PPARGC1A: variants seen among roughly 807,000 people sequenced by gnomAD.
PPARGC1A encodes peroxisome proliferator-activated receptor gamma coactivator 1-alpha.
PPARGC1A carries 25 observed loss-of-function variants against 88.7 expected under a neutral mutation model. The observed-to-expected ratio is 0.28, with a 90% CI of 0.21 to 0.39. The LOEUF is 0.39. Ranked by LOEUF, PPARGC1A falls within the 10% of genes least tolerant of loss-of-function variation. The probability of loss-of-function intolerance (pLI) is 1.00; values close to 1 mark genes in which losing one functional copy is unlikely to be tolerated. For missense variants in PPARGC1A, 880 were observed against 968.7 expected (o/e 0.91, Z 1.22); for synonymous variants, 363 against 355.6 (o/e 1.02, Z -0.24).
chr4:24,096,934 T>C, the PPARGC1A span, among the ~76,000 whole-genome samples: 1 of 152,076 alleles, frequency 6.6e-6, no homozygotes, highest in East Asian at 1.9e-4. Context: ...GCTTATAGAA[T>C]AAAAATGGGT....
the PPARGC1A span, among the ~76,000 whole-genome samples, chr4:24,186,744 C>A: frequency 6.6e-6 from 1 of 151,984 alleles, no homozygotes; most frequent in Non-Finnish European, 1.5e-5. Flanking sequence ...CTCTTTCAAC[C>A]CATTCAGTGC....
intron 5 of PPARGC1A, among the ~76,000 whole-genome samples, chr4:23,826,291 T>C (rs963471098): frequency 1.3e-5 from 2 of 152,120 alleles, no homozygotes; most frequent in East Asian, 1.9e-4. Flanking sequence ...GAGTATTGAT[T>C]TGGTTTATTG....
At chr4:23,903,002 T>A (rs1339709090), upstream of PPARGC1A, among the ~76,000 whole-genome samples, 3 of 152,244 alleles carry the variant, frequency 2.0e-5, no homozygotes, top group African/African-American at 7.2e-5. Flanking sequence ...TCTTAATTCA[T>A]GGTAATATAT....
At chr4:23,858,973 T>G (rs927439209) in intron 2 of PPARGC1A, among the ~76,000 whole-genome samples, 1 of 149,136 alleles carries the variant, frequency 6.7e-6, no homozygotes, top group African/African-American at 2.4e-5. Flanking sequence ...TAGAATAAAT[T>G]AAATATAAAC....
At chr4:24,373,479 G>A in the PPARGC1A span, among the ~76,000 whole-genome samples, 26 of 152,260 alleles carry the variant, frequency 1.7e-4, no homozygotes, top group African/African-American at 4.8e-4. Context: ...TGTTAATATC[G>A]TTTGTCTCTA....
chr4:24,022,480 C>T, the PPARGC1A span, among the ~76,000 whole-genome samples: 2 of 152,154 alleles, frequency 1.3e-5, no homozygotes, highest in East Asian at 3.9e-4. Flanking sequence ...TGCCACGGGG[C>T]TGGGGTTTTC....
the PPARGC1A span, among the ~76,000 whole-genome samples, chr4:24,448,909 T>C: frequency 6.6e-6 from 1 of 152,206 alleles, no homozygotes; most frequent in Non-Finnish European, 1.5e-5. Flanking sequence ...ATCTGCTTCC[T>C]CATAGTTGTT....
the PPARGC1A span, among the ~76,000 whole-genome samples, chr4:24,217,611 T>G: frequency 6.6e-6 from 1 of 152,102 alleles, no homozygotes; most frequent in African/African-American, 2.4e-5. Context: ...AAGGCCAGCC[T>G]GGTCAACATG....
the PPARGC1A span, among the ~76,000 whole-genome samples, chr4:23,960,630 G>A: frequency 3.9e-5 from 6 of 152,186 alleles, no homozygotes; most frequent in African/African-American, 7.2e-5. Flanking sequence ...GGAAAATGGC[G>A]AAATTATCAT....
At chr4:24,217,631 C>T in the PPARGC1A span, among the ~76,000 whole-genome samples, 1 of 152,050 alleles carries the variant, frequency 6.6e-6, no homozygotes, top group African/African-American at 2.4e-5. Flanking sequence ...GGTGAAACCT[C>T]ATCTCTCCTA....
At position 23,829,512 on chromosome 4, in the gene PPARGC1A, T is replaced by C. The variant is rs367823455; in HGVS notation, c.503A>G (p.Asn168Ser). The C allele has an allele frequency of 1.9e-6, 3 of 1,613,814 alleles. No homozygotes were observed. In the African/African-American group the frequency reaches 4.0e-5, roughly 22 times the overall value. ...GATCCTGTGATTGTGATTTGCATGG[T>C]TCTGGGTACTGAGACCACTGCATTC... is the stretch of plus-strand genomic sequence containing the variant. ...YNECSGLSTQ[N>S]HANHNHRIRT... Residue 168 changes from asparagine to serine, a missense_variant, in exon 4 of 13, where the codon AAC (asparagine) becomes AGC (serine). By Grantham distance (46) the Asn-to-Ser change is conservative. Transcript: ENST00000264867.
the PPARGC1A span, among the ~76,000 whole-genome samples, chr4:24,370,388 CAG>C: frequency 1.3e-5 from 2 of 152,066 alleles, no homozygotes; most frequent in Non-Finnish European, 2.9e-5. Context: ...ATAGACAAGA[CAG>C]AATATATTTA....
At chr4:24,213,484 C>T in the PPARGC1A span, among the ~76,000 whole-genome samples, 1 of 152,148 alleles carries the variant, frequency 6.6e-6, no homozygotes, top group Non-Finnish European at 1.5e-5. Context: ...TCCTTTAACT[C>T]TCACACCCCA....
At chr4:24,214,710 T>C in the PPARGC1A span, among the ~76,000 whole-genome samples, 1 of 152,112 alleles carries the variant, frequency 6.6e-6, no homozygotes, top group Admixed American at 6.5e-5. Context: ...CTCTCTGCTA[T>C]AGGGCAAGAA....
chr4:23,865,212 C>T (rs1187913253), intron 2 of PPARGC1A, among the ~76,000 whole-genome samples: 4 of 152,102 alleles, frequency 2.6e-5, no homozygotes, highest in Non-Finnish European at 4.4e-5. Flanking sequence ...ACAGCTTGAT[C>T]CTTCAACCAT....
At chr4:24,116,954 T>C in the PPARGC1A span, among the ~76,000 whole-genome samples, 1 of 151,940 alleles carries the variant, frequency 6.6e-6, no homozygotes, top group African/African-American at 2.4e-5. Flanking sequence ...CCAACTGGGT[T>C]CTCTCTTGAC....
At chr4:24,263,489 T>C in the PPARGC1A span, among the ~76,000 whole-genome samples, 1 of 127,536 alleles carries the variant, frequency 7.8e-6, no homozygotes, top group East Asian at 2.4e-4. Context: ...ACACACAGAG[T>C]TGACCCTTTA....
At chr4:24,155,072 A>T in the PPARGC1A span, among the ~76,000 whole-genome samples, 4 of 151,636 alleles carry the variant, frequency 2.6e-5, no homozygotes, top group African/African-American at 9.7e-5. Flanking sequence ...CAGGTCAGCC[A>T]CTAAGAAAAT....
chr4:23,895,936 ATGTG>A (rs550243415), intron 1 of PPARGC1A, among the ~76,000 whole-genome samples: 3,897 of 130,618 alleles, frequency 0.03, 163 homozygotes, highest in Admixed American at 0.13. Context: ...AATTATAGAG[ATGTG>A]TGTGTGTGTG....
Sources: allele counts gnomAD v4.1 joint callset (sites outside exome capture counted in the v4.1 genomes callset), GRCh38; gene constraint gnomAD v4.1.1; transcripts MANE v1.5; gene names NCBI Gene and HGNC (gene_info 2026-07-23, HGNC 2026-07-21).